Variants in CLASP1 observed in about 807,000 individuals in gnomAD.
CLASP1 encodes the protein CLIP-associating protein 1.
In CLASP1, 38 loss-of-function variants were observed where a neutral mutation model predicts 192.3. The ratio of observed to expected loss-of-function variants is 0.20; its 90% CI spans 0.15 to 0.26. CLASP1 has a LOEUF of 0.26. CLASP1 is among the 10% of genes least tolerant of loss of function. CLASP1 has a pLI of 1.00. For missense variants in CLASP1, 1,433 were observed against 1,932.5 expected (o/e 0.74, Z 4.85); for synonymous variants, 691 against 712.8 (o/e 0.97, Z 0.49).
At chr2:121,439,019 G>T (rs1422432509) in intron 19 of CLASP1, among the ~76,000 whole-genome samples, 2 of 149,546 alleles carry the variant, frequency 1.3e-5, no homozygotes, top group African/African-American at 4.9e-5. Context: ...CCTGTTATTG[G>T]TCTATTCAGA....
intron 1 of CLASP1, among the ~76,000 whole-genome samples, chr2:121,645,191 A>T (rs569547356): frequency 1.3e-5 from 2 of 152,212 alleles, no homozygotes; most frequent in Admixed American, 6.5e-5. Flanking sequence ...AGAGAGTTTA[A>T]TAAGTAAATT....
intron 1 of CLASP1, among the ~76,000 whole-genome samples, chr2:121,622,627 TTTA>T (rs993055479): frequency 6.6e-6 from 1 of 152,148 alleles, no homozygotes; most frequent in Non-Finnish European, 1.5e-5. Flanking sequence ...TCCCAAATGT[TTTA>T]TTCTTTTTGA....
At chr2:121,450,128 G>A (rs937317339) in intron 16 of CLASP1, among the ~76,000 whole-genome samples, 6 of 152,058 alleles carry the variant, frequency 3.9e-5, no homozygotes, top group Non-Finnish European at 7.4e-5. Context: ...TCAGGAGATC[G>A]AGACTATCCT....
At position 121,367,593 on chromosome 2, in the gene CLASP1, C is replaced by T. The variant is rs752913631; in HGVS notation, c.3881G>A (p.Arg1294Gln). The T allele has an allele frequency of 3.7e-6, 6 of 1,614,018 alleles. No homozygotes were observed. The highest frequency in any genetic ancestry group is 2.2e-5 in the South Asian group (2 of 91,074). The change falls in exon 35 of 40, where the codon CGA (arginine) becomes CAA (glutamine). Residue 1294 changes from arginine to glutamine, a missense_variant. Arg to Gln is a conservative substitution (Grantham distance 43). This residue lies in a region of CLASP1 where 336 missense variants were observed against 358.0 expected (regional missense o/e 0.94). Coordinates refer to ENST00000263710, the Ensembl canonical transcript of CLASP1. ...TTAAGAAAAGAGACACCAACCGTCT[C>T]GAAGCTGCTCCATGTCGTCATCGAA...
At position 121,382,243 on chromosome 2, in the gene CLASP1, G is replaced by C. The variant is rs778837720; in HGVS notation, c.3456C>G (p.Pro1152=). 6.2e-6 allele frequency: 10 copies of C among 1,609,064 alleles called. No individual in the cohort carries two copies. The East Asian group carries it at 2.2e-4, about 36-fold the overall frequency. Residue 1152 remains proline, a synonymous_variant, in exon 33 of 40, where the codon CCC becomes CCG. Coordinates refer to ENST00000263710, the Ensembl canonical transcript of CLASP1. ...AAGAGCGCCTGAGAGCCTTGTGGGAGGGAGCGGTGGGGATGGAGTTAGGCT... is the reference window on the plus strand; with the variant it reads ...AAGAGCGCCTGAGAGCCTTGTGGGACGGAGCGGTGGGGATGGAGTTAGGCT...
chr2:121,578,505 G>A (rs971668177), intron 2 of CLASP1, among the ~76,000 whole-genome samples: 5 of 150,380 alleles, frequency 3.3e-5, no homozygotes, highest in East Asian at 2.0e-4. Context: ...CGAGGCTGGC[G>A]GATCACAAGG....
intron 23 of CLASP1, among the ~76,000 whole-genome samples, chr2:121,412,346 T>G (rs955840608): frequency 3.3e-5 from 5 of 152,174 alleles, no homozygotes; most frequent in Non-Finnish European, 5.9e-5. Flanking sequence ...GTTTAAAAGG[T>G]AATGTGCCAT....
chr2:121,619,847 T>C (rs1253924337), intron 1 of CLASP1, among the ~76,000 whole-genome samples: 1 of 152,218 alleles, frequency 6.6e-6, no homozygotes, highest in Non-Finnish European at 1.5e-5. Context: ...TGAAACAAGA[T>C]GGACATCCAC....
intron 23 of CLASP1, 103 bp downstream of exon 23, chr2:121,418,519 A>T (rs2078970186): frequency 1.3e-6 from 1 of 777,802 alleles, no homozygotes; most frequent in Non-Finnish European, 2.2e-6. Flanking sequence ...AAAGGATCAC[A>T]AGGACAGTAG....
chr2:121,438,322 A>C (rs2149706309), intron 19 of CLASP1, among the ~76,000 whole-genome samples: 1 of 152,368 alleles, frequency 6.6e-6, no homozygotes, highest in African/African-American at 2.4e-5. Context: ...GTTACAAATT[A>C]TGAGAAAAGA....
chr2:121,626,131 A>C (rs1201709331), intron 1 of CLASP1, among the ~76,000 whole-genome samples: 1 of 151,960 alleles, frequency 6.6e-6, no homozygotes, highest in Non-Finnish European at 1.5e-5. Flanking sequence ...AGGACATCTG[A>C]TATGTCATTT....
At position 121,425,120 on chromosome 2, in the gene CLASP1, G is replaced by C. The variant is rs2080166927; in HGVS notation, c.2212+19C>G. ...GACCAAGCTGGGAATGGTATTCCAA[G>C]ATCTTTGAGAATCCTTACCTAATCC... On this transcript the variant is annotated intron_variant, in intron 22 of 39. Coordinates refer to ENST00000263710, the Ensembl canonical transcript of CLASP1. 1 of 1,588,666 alleles carries C rather than the reference G, an allele frequency of 6.3e-7. No individual in the cohort carries two copies. The highest frequency in any genetic ancestry group is 1.4e-5 in the African/African-American group (1 of 73,894).
chr2:121,395,502 T>C (rs2075129712), intron 30 of CLASP1, among the ~76,000 whole-genome samples: 1 of 152,216 alleles, frequency 6.6e-6, no homozygotes, highest in African/African-American at 2.4e-5. Context: ...ACAGTCTCCT[T>C]ACTGCTCATC....
chr2:121,534,061 G>T (rs2094971285), intron 2 of CLASP1, among the ~76,000 whole-genome samples: 1 of 152,238 alleles, frequency 6.6e-6, no homozygotes, highest in Admixed American at 6.5e-5. Flanking sequence ...AGAGAACTAA[G>T]AAGGCACAGA....
At chr2:121,442,485 T>C (rs922444233) in intron 19 of CLASP1, among the ~76,000 whole-genome samples, 3 of 151,990 alleles carry the variant, frequency 2.0e-5, no homozygotes, top group Non-Finnish European at 2.9e-5. Context: ...TTCTTTCTTT[T>C]TTTTTTTTTG....
intron 19 of CLASP1, among the ~76,000 whole-genome samples, chr2:121,438,075 C>G (rs900884141): frequency 6.6e-6 from 1 of 152,216 alleles, no homozygotes; most frequent in Non-Finnish European, 1.5e-5. Context: ...TCTGCTGCCT[C>G]TCACTCATAA....
chr2:121,635,237 G>T (rs1032873319), intron 1 of CLASP1, among the ~76,000 whole-genome samples: 58 of 150,694 alleles, frequency 3.8e-4, no homozygotes, highest in African/African-American at 1.3e-3. Context: ...GAAAAGAAAA[G>T]AAAAGAAAGA....
At position 121,363,023 on chromosome 2, in the gene CLASP1, A is replaced by C; in HGVS notation, c.4206+149T>G. ...GCCACTGCTCAGCAAGGACGACAGC[A>C]ATGGGGACTCCACTCTGTATTACGA... On this transcript the variant is annotated intron_variant, in intron 37 of 39. Transcript: ENST00000263710. The C allele has an allele frequency of 3.2e-6, 3 of 941,002 alleles. No individual in the cohort carries two copies. In the South Asian group the frequency reaches 5.3e-5, roughly 17 times the overall value. The allele number at this position is 941,002 out of a possible 1,614,324, so 58.3% of individuals were successfully genotyped here.
chr2:121,503,663 C>A (rs963117214), intron 7 of CLASP1, among the ~76,000 whole-genome samples: 2 of 152,114 alleles, frequency 1.3e-5, no homozygotes, highest in Non-Finnish European at 2.9e-5. Flanking sequence ...ACTAATAGTA[C>A]GTTACAAAGG....
Sources: gnomAD v4.1 joint callset for allele counts (sites outside exome capture counted in the v4.1 genomes callset) on GRCh38, gnomAD v4.1.1 for gene constraint, gnomAD v4.1.1 regional missense constraint, MANE v1.5 for transcripts, NCBI Gene and HGNC (gene_info 2026-07-23, HGNC 2026-07-21) for gene names.